AGBL4: variants seen among roughly 807,000 people sequenced by gnomAD.
AGBL4 encodes cytosolic carboxypeptidase 6.
A neutral mutation model predicts 66.4 loss-of-function variants in AGBL4; 58 were observed. The observed-to-expected ratio is 0.87, with a 90% CI of 0.71 to 1.09. The LOEUF (loss-of-function observed/expected upper bound fraction) is 1.09. Ranked by LOEUF, AGBL4 falls within the 50% of genes least tolerant of loss-of-function variation. AGBL4 has a pLI of 0.00. For missense variants in AGBL4, 579 were observed against 631.0 expected, an observed-to-expected ratio of 0.92 and a Z score of 0.88; for synonymous variants, 234 against 222.9, an observed-to-expected ratio of 1.05 and a Z score of -0.44.
intron 3 of AGBL4, among the ~76,000 whole-genome samples, chr1:49,659,113 T>C (rs1043304087): frequency 4.6e-5 from 7 of 152,082 alleles, no homozygotes; most frequent in Non-Finnish European, 4.4e-5. Flanking sequence ...AAGCAAATGC[T>C]GAGGGAATTT....
intron 3 of AGBL4, among the ~76,000 whole-genome samples, chr1:49,573,725 C>A (rs1215996876): frequency 6.6e-6 from 1 of 152,114 alleles, no homozygotes; most frequent in Non-Finnish European, 1.5e-5. Flanking sequence ...GGCTGGCCTG[C>A]AACAAAAGGT....
chr1:48,640,138 G>T (rs575910102), intron 8 of AGBL4, among the ~76,000 whole-genome samples: 2 of 152,104 alleles, frequency 1.3e-5, no homozygotes, highest in African/African-American at 4.8e-5. Context: ...AGAAAGAATG[G>T]GGCTATTTAT....
At chr1:49,979,844 T>C (rs556456016) in intron 1 of AGBL4, among the ~76,000 whole-genome samples, 1 of 152,158 alleles carries the variant, frequency 6.6e-6, no homozygotes, top group Non-Finnish European at 1.5e-5. Context: ...AGGAAAGTCA[T>C]GACACTACAA....
At chr1:48,824,369 G>A (rs776848511) in intron 6 of AGBL4, among the ~76,000 whole-genome samples, 1 of 152,198 alleles carries the variant, frequency 6.6e-6, no homozygotes, top group African/African-American at 2.4e-5. Context: ...ATAAATGGGA[G>A]TCAGTTAACT....
chr1:49,780,022 C>G (rs570043534), intron 2 of AGBL4, among the ~76,000 whole-genome samples: 2 of 152,062 alleles, frequency 1.3e-5, no homozygotes, highest in Non-Finnish European at 2.9e-5. Context: ...GGCACTTTTG[C>G]CTCTTTCAAA....
At chr1:48,790,907 T>C (rs1645533432) in intron 6 of AGBL4, among the ~76,000 whole-genome samples, 1 of 152,118 alleles carries the variant, frequency 6.6e-6, no homozygotes, top group South Asian at 2.1e-4. Context: ...TTACAAGACC[T>C]TATATCTGAA....
intron 5 of AGBL4, among the ~76,000 whole-genome samples, chr1:48,982,988 G>GACA (rs1268944101): frequency 6.6e-6 from 1 of 152,164 alleles, no homozygotes; most frequent in Non-Finnish European, 1.5e-5. Flanking sequence ...ACAAGAGAGT[G>GACA]ACAGGGTAAA....
At chr1:48,927,251 G>T (rs1010709997) in intron 5 of AGBL4, among the ~76,000 whole-genome samples, 3 of 152,092 alleles carry the variant, frequency 2.0e-5, no homozygotes, top group Admixed American at 2.0e-4. Flanking sequence ...CACGTGGCTG[G>T]GGAGGCCTCA....
At chr1:49,285,272 T>G (rs1490647007) in intron 3 of AGBL4, among the ~76,000 whole-genome samples, 1 of 152,136 alleles carries the variant, frequency 6.6e-6, no homozygotes, top group South Asian at 2.1e-4. Context: ...GAATGACTAC[T>G]GGATACATAA....
chr1:49,377,998 G>C (rs547269731), intron 3 of AGBL4, among the ~76,000 whole-genome samples: 1 of 145,236 alleles, frequency 6.9e-6, no homozygotes, highest in South Asian at 2.1e-4. Flanking sequence ...TTCATGCCTT[G>C]TCTCCCAACA....
At chr1:49,407,493 A>T (rs1353789334) in intron 3 of AGBL4, among the ~76,000 whole-genome samples, 1 of 152,084 alleles carries the variant, frequency 6.6e-6, no homozygotes, top group East Asian at 1.9e-4. Context: ...CTCATAATAA[A>T]TCTCTTTCTA....
In AGBL4 at chr1:48,637,886, G is replaced by A. The variant is rs1645693735; in HGVS notation, c.840-3282C>T. ...TATATTGTCCACTTCCCAATGACTAGTCAAAAAACAGAGGGAATCACTGGT... is the reference window on the plus strand; with the variant it reads ...TATATTGTCCACTTCCCAATGACTAATCAAAAAACAGAGGGAATCACTGGT... On this transcript the variant is annotated intron_variant, in intron 8 of 13. Coordinates refer to ENST00000371839, the MANE Select transcript of AGBL4 (RefSeq NM_032785.4). Among the ~76,000 whole-genome samples, 4 of 152,230 alleles carry A rather than the reference G, an allele frequency of 2.6e-5. No individual in the cohort carries two copies. In the South Asian group the frequency reaches 8.3e-4, roughly 32 times the overall value.
intron 4 of AGBL4, among the ~76,000 whole-genome samples, chr1:49,130,296 G>C (rs941567020): frequency 6.6e-6 from 1 of 152,130 alleles, no homozygotes; most frequent in Non-Finnish European, 1.5e-5. Flanking sequence ...TTCTTTTGCT[G>C]TGCAGAAGCT....
intron 2 of AGBL4, among the ~76,000 whole-genome samples, chr1:49,826,834 A>C (rs1181350872): frequency 6.6e-6 from 1 of 152,206 alleles, no homozygotes; most frequent in Non-Finnish European, 1.5e-5. Flanking sequence ...GCTTACAGGC[A>C]CAGTGAAAAG....
At chr1:48,779,477 T>C (rs1570654363) in intron 6 of AGBL4, among the ~76,000 whole-genome samples, 1 of 152,202 alleles carries the variant, frequency 6.6e-6, no homozygotes, top group African/African-American at 2.4e-5. Flanking sequence ...TTTTCAAGGA[T>C]AGCCTATCTC....
chr1:49,357,612 C>T (rs1032576222), intron 3 of AGBL4, among the ~76,000 whole-genome samples: 4 of 152,124 alleles, frequency 2.6e-5, no homozygotes, highest in Admixed American at 2.6e-4. Flanking sequence ...TCCTAGGAGG[C>T]AGGCATTATA....
chr1:49,718,382 G>C (rs1430843999), intron 2 of AGBL4, among the ~76,000 whole-genome samples: 1 of 151,922 alleles, frequency 6.6e-6, no homozygotes, highest in Non-Finnish European at 1.5e-5. Flanking sequence ...GCAGATGCTG[G>C]TACCTTACTT....
At chr1:49,546,194 C>T (rs771792852) in intron 3 of AGBL4, among the ~76,000 whole-genome samples, 12 of 152,084 alleles carry the variant, frequency 7.9e-5, no homozygotes, top group South Asian at 4.1e-4. Flanking sequence ...ACCCAGGTCA[C>T]GGCAAATGCT....
At chr1:49,176,635 G>C (rs761862396) in intron 4 of AGBL4, among the ~76,000 whole-genome samples, 1 of 152,102 alleles carries the variant, frequency 6.6e-6, no homozygotes, top group Non-Finnish European at 1.5e-5. Flanking sequence ...AGAACACATG[G>C]ACTTTGCGCA....
Sources: allele counts gnomAD v4.1 joint callset (sites outside exome capture counted in the v4.1 genomes callset), GRCh38; gene constraint gnomAD v4.1.1; transcripts MANE v1.5; gene names NCBI Gene and HGNC (gene_info 2026-07-23, HGNC 2026-07-21).